SCARB1: variants seen among roughly 807,000 people sequenced by gnomAD.
SCARB1 encodes the protein CD36 and LIMPII analogous 1.
In SCARB1, 30 loss-of-function variants were observed where a neutral mutation model predicts 57.2. The observed-to-expected ratio is 0.52, with a 90% CI of 0.39 to 0.71. The LOEUF (loss-of-function observed/expected upper bound fraction) is 0.71. Ranked by LOEUF, SCARB1 falls within the 30% of genes least tolerant of loss-of-function variation. The pLI, the probability that SCARB1 is intolerant of heterozygous loss-of-function variation, is 0.00. For synonymous variants in SCARB1, 249 were observed against 268.3 expected, an observed-to-expected ratio of 0.93 and a Z score of 0.70; for missense variants, 543 against 671.2, an observed-to-expected ratio of 0.81 and a Z score of 2.11.
chr12:124,803,202 C>T (rs780827889), intron 7 of SCARB1, among the ~76,000 whole-genome samples: 5 of 152,178 alleles, frequency 3.3e-5, no homozygotes, highest in East Asian at 1.9e-4. Flanking sequence ...GTGGGAGGAC[C>T]GCGAGTGGCA....
At chr12:124,793,425 T>TG (rs55873828) in intron 9 of SCARB1, among the ~76,000 whole-genome samples, 152,258 of 152,258 alleles carry the variant, frequency 1, 76,129 homozygotes, top group Non-Finnish European at 1. Context: ...CCGGGCGCGG[T>TG]GCTCACGCCT....
At chr12:124,834,051 C>T (rs781059522) in intron 1 of SCARB1, among the ~76,000 whole-genome samples, 2 of 152,210 alleles carry the variant, frequency 1.3e-5, no homozygotes, top group Non-Finnish European at 2.9e-5. Flanking sequence ...GCCAGTGACA[C>T]GAGGGTGTCC....
At chr12:124,801,916 C>T (rs917515921) in intron 7 of SCARB1, among the ~76,000 whole-genome samples, 2 of 151,334 alleles carry the variant, frequency 1.3e-5, no homozygotes, top group Non-Finnish European at 2.9e-5. Context: ...TTTAGGAGGC[C>T]GAGGCGGGTG....
intron 7 of SCARB1, among the ~76,000 whole-genome samples, chr12:124,802,926 G>A (rs1464758095): frequency 2.0e-5 from 3 of 152,154 alleles, no homozygotes; most frequent in Non-Finnish European, 4.4e-5. Flanking sequence ...TGCACCAAAC[G>A]ACACGTGTGC....
chr12:124,853,254 G>A (rs1367930768), intron 1 of SCARB1, among the ~76,000 whole-genome samples: 1 of 152,194 alleles, frequency 6.6e-6, no homozygotes, highest in Non-Finnish European at 1.5e-5. Flanking sequence ...GGAAAAGGAA[G>A]GCCTGTGAGG....
chr12:124,817,174 C>T lies in SCARB1; in HGVS notation c.284+376G>A, dbSNP rs1355710178. 6.6e-6 allele frequency among the ~76,000 whole-genome samples: 1 copy of T among 151,580 alleles called. No homozygotes were observed. Among genetic ancestry groups the T allele is most frequent in the Non-Finnish European group, 1.5e-5 (1 of 67,888 alleles). On this transcript the variant is annotated intron_variant, in intron 2 of 12. Transcript: ENST00000261693. The surrounding 1 kb of genome is among the most constrained non-coding windows in gnomAD (Gnocchi z 4.8). ...TGTGTGTATGTATGTGTGTAACTCA[C>T]ACATGCACCCTCCACCCAGACGCAC...
rs1030871658 is a variant in SCARB1 at position 124,828,407 on chromosome 12, A to T, written c.127-10700T>A. On this transcript the variant is annotated intron_variant, in intron 1 of 12. Transcript: ENST00000261693. Reference sequence around the variant, plus strand: ...GGGATTGCAGTTCATGCCCTGTACAATCATCCGCCCCATGCTAGATGCTAT... The same window carrying T: ...GGGATTGCAGTTCATGCCCTGTACATTCATCCGCCCCATGCTAGATGCTAT... Among the ~76,000 whole-genome samples the T allele has an allele frequency of 4.6e-5, 7 of 152,060 alleles. 1 individual carries two copies. In the East Asian group the frequency reaches 1.4e-3, roughly 29 times the overall value.
intron 9 of SCARB1, among the ~76,000 whole-genome samples, chr12:124,790,064 T>C (rs1422741132): frequency 6.9e-6 from 1 of 145,532 alleles, no homozygotes; most frequent in Non-Finnish European, 1.5e-5. Context: ...AATTGGACAG[T>C]GCTACACTGC....
At chr12:124,848,012 G>A (rs1386564685) in intron 1 of SCARB1, among the ~76,000 whole-genome samples, 1 of 152,168 alleles carries the variant, frequency 6.6e-6, no homozygotes, top group Non-Finnish European at 1.5e-5. Flanking sequence ...GAAAAGGGCT[G>A]GAGAACAGGT....
At chr12:124,794,042 G>A (rs1949834314) in intron 9 of SCARB1, among the ~76,000 whole-genome samples, 1 of 152,194 alleles carries the variant, frequency 6.6e-6, no homozygotes, top group South Asian at 2.1e-4. Flanking sequence ...GAAGCCAGTC[G>A]CAAAAGACCA....
chr12:124,801,153 C>T (rs1252257638), intron 7 of SCARB1, among the ~76,000 whole-genome samples: 5 of 152,130 alleles, frequency 3.3e-5, no homozygotes, highest in Admixed American at 6.5e-5. Context: ...GAGCCGTGAC[C>T]GTGCCACTGC....
At chr12:124,845,917 C>A (rs1226747540) in intron 1 of SCARB1, among the ~76,000 whole-genome samples, 3 of 151,596 alleles carry the variant, frequency 2.0e-5, no homozygotes, top group Non-Finnish European at 4.4e-5. Context: ...GAGGCTGAGG[C>A]AGAAGAATCG....
intron 1 of SCARB1, among the ~76,000 whole-genome samples, chr12:124,859,696 G>A (rs1052275696): frequency 2.0e-5 from 3 of 152,122 alleles, no homozygotes; most frequent in African/African-American, 4.8e-5. Flanking sequence ...ATGGCAGGGC[G>A]CGGTGGTTCA....
intron 11 of SCARB1, chr12:124,785,825 AT>A: frequency 2.0e-6 from 1 of 491,598 alleles, no homozygotes; most frequent in East Asian, 3.2e-5. Context: ...CTATTAGAAA[AT>A]TTAAACTGAA....
At chr12:124,827,843 A>T (rs577377005) in intron 1 of SCARB1, among the ~76,000 whole-genome samples, 1 of 152,218 alleles carries the variant, frequency 6.6e-6, no homozygotes, top group East Asian at 1.9e-4. Context: ...GTGGCCTTCG[A>T]GCACACGGTA....
chr12:124,803,248 G>A (rs1201607249), intron 7 of SCARB1, among the ~76,000 whole-genome samples: 2 of 152,202 alleles, frequency 1.3e-5, no homozygotes, highest in Non-Finnish European at 2.9e-5. Context: ...CAGTCAGGGT[G>A]CTGGCCACGG....
intron 1 of SCARB1, among the ~76,000 whole-genome samples, chr12:124,829,588 C>T (rs1161226454): frequency 6.6e-6 from 1 of 152,218 alleles, no homozygotes; most frequent in African/African-American, 2.4e-5. Flanking sequence ...TTGCTGTGCT[C>T]CTGAGCCACC....
intron 1 of SCARB1, among the ~76,000 whole-genome samples, chr12:124,851,743 A>G (rs942476628): frequency 6.6e-5 from 10 of 151,360 alleles, no homozygotes; most frequent in African/African-American, 2.4e-4. Flanking sequence ...AGTAGCTGGG[A>G]CTACAGGTGT....
intron 1 of SCARB1, among the ~76,000 whole-genome samples, chr12:124,836,253 G>T (rs1190215676): frequency 6.6e-6 from 1 of 152,222 alleles, no homozygotes; most frequent in Non-Finnish European, 1.5e-5. Flanking sequence ...GCAAGCACCA[G>T]AGGTCTCGCG....
Sources: gnomAD v4.1 joint callset for allele counts (sites outside exome capture counted in the v4.1 genomes callset) on GRCh38, gnomAD v4.1.1 for gene constraint, Gnocchi (gnomAD v3.1) non-coding constraint, MANE v1.5 for transcripts, NCBI Gene and HGNC (gene_info 2026-07-23, HGNC 2026-07-21) for gene names.